Variants in DAAM1 observed in about 807,000 individuals in gnomAD.
The protein encoded by DAAM1 is disheveled-associated activator of morphogenesis 1.
In DAAM1, 52 loss-of-function variants were observed where a neutral mutation model predicts 130.0. The observed-to-expected ratio is 0.40, with a 90% CI of 0.32 to 0.50. The LOEUF is 0.50. Ranked by LOEUF, DAAM1 falls within the 20% of genes least tolerant of loss-of-function variation. The pLI, the probability that DAAM1 is intolerant of heterozygous loss-of-function variation, is 0.61. For synonymous variants in DAAM1, 452 were observed against 444.5 expected (o/e 1.02, Z -0.21); for missense variants, 1,134 against 1,303.8 (o/e 0.87, Z 2.01).
intron 16 of DAAM1, among the ~76,000 whole-genome samples, chr14:59,344,115 A>G (rs375323324): frequency 2.7e-4 from 41 of 152,312 alleles, no homozygotes; most frequent in African/African-American, 9.6e-4. Flanking sequence ...AACCCACCTG[A>G]AACACAGTTT....
chr14:59,353,931 G>C lies in DAAM1; in HGVS notation c.2323G>C (p.Glu775Gln). The change falls in exon 19 of 25, where the codon GAG becomes CAG. Residue 775 changes from glutamate (E) to glutamine (Q), a missense_variant. Physicochemically the swap from Glu to Gln is conservative, Grantham distance 29 (BLOSUM62 2). Coordinates refer to ENST00000360909, the MANE Select transcript of DAAM1 (RefSeq NM_001270520.2). ...GCTGTACTTCAAAAAGAAGTTTGCA[G>C]AGCGTGTGGCAGAAGTGAAACCTAA... is the stretch of plus-strand genomic sequence containing the variant. ...QSLYFKKKFA[E>Q]RVAEVKPKVE... The C allele has an allele frequency of 6.2e-7, 1 of 1,614,074 alleles. No individual in the cohort carries two copies. Among genetic ancestry groups the C allele is most frequent in the Non-Finnish European group, 8.5e-7 (1 of 1,179,954 alleles).
intron 3 of DAAM1, among the ~76,000 whole-genome samples, chr14:59,310,855 T>C (rs982711890): frequency 2.6e-5 from 4 of 152,218 alleles, no homozygotes; most frequent in African/African-American, 9.6e-5. Flanking sequence ...TGAATGTTGC[T>C]TCAGCCTGTG....
Position 59,263,483 on chromosome 14 carries a change from C to T in DAAM1, c.6C>T (p.Ala2=), listed in dbSNP as rs76482654. 595 of 1,614,158 alleles carry T rather than the reference C, an allele frequency of 3.7e-4. 1 individual carries two copies. In the African/African-American group the frequency reaches 7.2e-3, roughly 20 times the overall value. The change falls in exon 2 of 25, where the codon GCC becomes GCT. Residue 2 remains alanine, a synonymous_variant. Coordinates refer to ENST00000360909, the MANE Select transcript of DAAM1 (RefSeq NM_001270520.2). M[A]PRKRGGRGIS... ...AAATAGAACAGAATTCAGCCATGGC[C>T]CCAAGAAAGAGAGGTGGACGAGGTA...
intron 1 of DAAM1, among the ~76,000 whole-genome samples, chr14:59,220,931 A>G (rs1196967382): frequency 1.3e-5 from 2 of 152,208 alleles, no homozygotes; most frequent in African/African-American, 4.8e-5. Flanking sequence ...ATTAAATGCT[A>G]ATCTCTTCTA....
chr14:59,345,886 G>T (rs1194880744), intron 16 of DAAM1, among the ~76,000 whole-genome samples: 1 of 152,084 alleles, frequency 6.6e-6, no homozygotes, highest in Non-Finnish European at 1.5e-5. Context: ...TGAAATAGTG[G>T]GTATGACAGT....
chr14:59,206,598 A>G (rs1171879295), intron 1 of DAAM1, among the ~76,000 whole-genome samples: 19 of 152,230 alleles, frequency 1.2e-4, no homozygotes. Flanking sequence ...ATAAAATAAG[A>G]TATACTTATC....
At chr14:59,260,332 G>A (rs1273809234) in intron 1 of DAAM1, among the ~76,000 whole-genome samples, 1 of 152,186 alleles carries the variant, frequency 6.6e-6, no homozygotes, top group Non-Finnish European at 1.5e-5. Context: ...CTTAGGAAGT[G>A]CAGAAGAGTC....
chr14:59,262,470 AAATG>A lies in DAAM1; in HGVS notation c.-37-967_-37-964del, dbSNP rs1461708020. Among the ~76,000 whole-genome samples, 3 of 152,232 alleles carry A rather than the reference AAATG, an allele frequency of 2.0e-5. No homozygotes were observed. The East Asian group carries it at 5.8e-4, about 29-fold the overall frequency. ...TTTGGATTCAAAAGGGTAAAAATGAAAATGAATAGTTCTCCAACCCTCTGTTTTT... is the reference window on the plus strand; with the variant it reads ...TTTGGATTCAAAAGGGTAAAAATGAAAATAGTTCTCCAACCCTCTGTTTTT... On this transcript the variant is annotated intron_variant, in intron 1 of 24. Transcript: ENST00000360909.
chr14:59,325,846 T>C, intron 9 of DAAM1, 114 bp from the exon 10 acceptor site: 1 of 1,515,944 alleles, frequency 6.6e-7, no homozygotes, highest in Non-Finnish European at 9.1e-7. Context: ...AACTCAAAGC[T>C]CTATTTTGTT....
chr14:59,243,449 A>T (rs1003501507), intron 1 of DAAM1, among the ~76,000 whole-genome samples: 1 of 152,102 alleles, frequency 6.6e-6, no homozygotes, highest in Non-Finnish European at 1.5e-5. Context: ...AGGTTCTTCT[A>T]CTCAGGCTGG....
intron 1 of DAAM1, among the ~76,000 whole-genome samples, chr14:59,207,673 C>G (rs931738241): frequency 3.9e-5 from 6 of 152,134 alleles, no homozygotes; most frequent in African/African-American, 1.4e-4. Context: ...TAGTTTTGAA[C>G]TCACGAACAC....
chr14:59,279,833 A>G (rs985818217), intron 2 of DAAM1, among the ~76,000 whole-genome samples: 1 of 152,222 alleles, frequency 6.6e-6, no homozygotes, highest in African/African-American at 2.4e-5. Context: ...CTTAATATAT[A>G]CCTCTGGCAA....
chr14:59,341,375 G>A (rs1885837919), intron 16 of DAAM1, among the ~76,000 whole-genome samples: 1 of 151,998 alleles, frequency 6.6e-6, no homozygotes, highest in South Asian at 2.1e-4. Context: ...TAACTTGAAG[G>A]TCTACTTATT....
Position 59,363,782 on chromosome 14 carries a change from G to GGTAA in DAAM1, c.2826+3_2826+6dup. ...ACCTTCTAGCAGAAGCTAAAGACCT[G>GGTAA]GTAAGTTTCCCCCTTGTGCACTGAG... On this transcript the variant is annotated frameshift_variant and splice_region_variant. Coordinates refer to ENST00000360909, the MANE Select transcript of DAAM1 (RefSeq NM_001270520.2). LOFTEE classifies it high-confidence loss of function. 6.2e-7 allele frequency: 1 copy of GGTAA among 1,613,616 alleles called. No homozygotes were observed. The highest frequency in any genetic ancestry group is 8.5e-7 in the Non-Finnish European group (1 of 1,179,886).
At chr14:59,272,121 A>G (rs1882737429) in intron 2 of DAAM1, among the ~76,000 whole-genome samples, 1 of 152,234 alleles carries the variant, frequency 6.6e-6, no homozygotes, top group Non-Finnish European at 1.5e-5. Flanking sequence ...GTTATCTGGA[A>G]GCCAAAATTC....
chr14:59,216,536 CATGGTGA>C (rs1888585856), intron 1 of DAAM1, among the ~76,000 whole-genome samples: 1 of 152,108 alleles, frequency 6.6e-6, no homozygotes, highest in African/African-American at 2.4e-5. Flanking sequence ...GCCTGGCCAA[CATGGTGA>C]AAGCTCTTCT....
chr14:59,198,693 A>C (rs558273040), intron 1 of DAAM1, among the ~76,000 whole-genome samples: 2 of 152,360 alleles, frequency 1.3e-5, no homozygotes, highest in Non-Finnish European at 2.9e-5. Context: ...GATAATGCTG[A>C]GTAAATGTAG....
chr14:59,304,859 T>A (rs1309686304), intron 3 of DAAM1, among the ~76,000 whole-genome samples: 2 of 152,226 alleles, frequency 1.3e-5, no homozygotes, highest in Non-Finnish European at 2.9e-5. Flanking sequence ...TATGCCTTTA[T>A]GTGCTTACTG....
At position 59,324,395 on chromosome 14, in the gene DAAM1, G is replaced by A; in HGVS notation, c.930G>A (p.Met310Ile). Reference sequence around the variant, plus strand: ...TTCATCTTCGCTATGAATTTCTGATGTTAGGAATTCAACCTGTAATAGATA... The same window carrying A: ...TTCATCTTCGCTATGAATTTCTGATATTAGGAATTCAACCTGTAATAGATA... ...FRLHLRYEFL[M>I]LGIQPVIDKL... The change falls in exon 8 of 25, where the codon ATG becomes ATA. Residue 310 changes from methionine (M) to isoleucine (I), a missense_variant. Around this residue, in one of 3 missense-constraint regions of DAAM1, gnomAD observed 391 missense variants for 521.6 expected, o/e 0.75. Coordinates refer to ENST00000360909, the MANE Select transcript of DAAM1 (RefSeq NM_001270520.2). 1 of 1,596,594 alleles carries A rather than the reference G, an allele frequency of 6.3e-7. No homozygotes were observed. Among genetic ancestry groups the A allele is most frequent in the East Asian group, 2.3e-5 (1 of 44,214 alleles).
Sources: allele counts gnomAD v4.1 joint callset (sites outside exome capture counted in the v4.1 genomes callset), GRCh38; gene constraint gnomAD v4.1.1; regional missense constraint gnomAD v4.1.1; transcripts MANE v1.5; gene names NCBI Gene and HGNC (gene_info 2026-07-23, HGNC 2026-07-21).